RNFT2: variants seen among roughly 807,000 people sequenced by gnomAD.
RNFT2 encodes ring finger protein, transmembrane 2, also known as E3 ubiquitin-protein ligase RNFT2.
A neutral mutation model predicts 53.0 loss-of-function variants in RNFT2; 36 were observed. That is an observed-to-expected ratio of 0.68 (90% CI 0.52 to 0.90). The LOEUF is 0.90. Ranked by LOEUF, RNFT2 falls within the 40% of genes least tolerant of loss-of-function variation. The pLI, the probability that RNFT2 is intolerant of heterozygous loss-of-function variation, is 0.00. For synonymous variants in RNFT2, 260 were observed against 253.2 expected (o/e 1.03, Z -0.26); for missense variants, 514 against 585.6 (o/e 0.88, Z 1.26).
chr12:116,851,752 AAAG>A lies in RNFT2; in HGVS notation c.*2307_*2309del, dbSNP rs764046283. 24 of 748,418 alleles carry A rather than the reference AAAG, an allele frequency of 3.2e-5. No homozygotes were observed. Among genetic ancestry groups the A allele is most frequent in the Middle Eastern group, 2.3e-4 (1 of 4,378 alleles). 46.4% of individuals were successfully genotyped at this position (748,418 alleles called of 1,614,324 possible). On this transcript the variant is annotated 3_prime_UTR_variant, in exon 11 of 11. Transcript: ENST00000257575. ...TGAGTGAGACTCTGTCTAAAAAAAA[AAAG>A]AAAGAAAGAAGGGAGGGAGGGAGGA...
At chr12:116,740,844 T>C in intron 2 of RNFT2, 192 bp from the exon 3 acceptor site, 1 of 638,876 alleles carries the variant, frequency 1.6e-6, no homozygotes. Context: ...GGTGATAGCT[T>C]TCCTCATGGG....
intron 10 of RNFT2, among the ~76,000 whole-genome samples, chr12:116,844,100 A>G (rs1034676328): frequency 5.9e-5 from 9 of 152,254 alleles, no homozygotes; most frequent in Non-Finnish European, 1.0e-4. Context: ...CTAAGACATT[A>G]TTGGCCTTTT....
chr12:116,846,190 A>G (rs1356590830), intron 10 of RNFT2, among the ~76,000 whole-genome samples: 1 of 152,214 alleles, frequency 6.6e-6, no homozygotes, highest in Admixed American at 6.5e-5. Context: ...ACATAAGATA[A>G]TAATCATTAT....
intron 5 of RNFT2, among the ~76,000 whole-genome samples, chr12:116,763,509 C>T (rs970823546): frequency 2.0e-5 from 3 of 151,986 alleles, no homozygotes; most frequent in Non-Finnish European, 4.4e-5. Flanking sequence ...TGGCTCACGC[C>T]TGTAATCCCA....
Position 116,852,445 on chromosome 12 carries a change from A to G in RNFT2, c.*2997A>G, listed in dbSNP as rs376913056. ...CAAGACGTCTGTTCCAGGGCAGTGT[A>G]GCATCTTTCAAGCTCCGTTACTATG... On this transcript the variant is annotated 3_prime_UTR_variant, in exon 11 of 11. Coordinates refer to ENST00000257575, the MANE Select transcript of RNFT2 (RefSeq NM_001382266.1). 1 of 1,415,348 alleles carries G rather than the reference A, an allele frequency of 7.1e-7. No individual in the cohort carries two copies. Among genetic ancestry groups the G allele is most frequent in the Non-Finnish European group, 9.2e-7 (1 of 1,083,952 alleles). The allele number at this position is 1,415,348 out of a possible 1,614,324, so 87.7% of individuals were successfully genotyped here.
chr12:116,834,821 AC>A (rs1279341415), intron 8 of RNFT2, among the ~76,000 whole-genome samples: 4 of 148,992 alleles, frequency 2.7e-5, no homozygotes, highest in East Asian at 2.0e-4. Flanking sequence ...ATCTTCACAA[AC>A]CCTTCAAGGT....
rs2137233141 is a variant in RNFT2 at position 116,851,551 on chromosome 12, C to A, written c.*2103C>A. ...GTCAAGAGTTCAAGACTAGCCTGGC[C>A]AACATGGCAAAACCCCCTCTTTACT... On this transcript the variant is annotated 3_prime_UTR_variant, in exon 11 of 11. Transcript: ENST00000257575. The A allele has an allele frequency of 1.8e-6, 1 of 564,818 alleles. No individual in the cohort carries two copies. Among genetic ancestry groups the A allele is most frequent in the Middle Eastern group, 4.7e-4 (1 of 2,112 alleles). The allele number at this position is 564,818 out of a possible 1,614,324, so 35.0% of individuals were successfully genotyped here.
chr12:116,777,090 G>C (rs7969509), intron 6 of RNFT2, among the ~76,000 whole-genome samples: 25 of 151,692 alleles, frequency 1.6e-4, no homozygotes, highest in African/African-American at 5.8e-4. Context: ...GCTAATTTTT[G>C]TATTTTTAGT....
At chr12:116,802,985 C>T (rs1003569321) in intron 7 of RNFT2, among the ~76,000 whole-genome samples, 3 of 151,980 alleles carry the variant, frequency 2.0e-5, no homozygotes, top group African/African-American at 7.3e-5. Context: ...GACCCAGCTA[C>T]TCAGGAGGCT....
At chr12:116,790,143 A>G (rs1874168432) in intron 7 of RNFT2, among the ~76,000 whole-genome samples, 1 of 152,208 alleles carries the variant, frequency 6.6e-6, no homozygotes, top group Non-Finnish European at 1.5e-5. Flanking sequence ...GCAAAGTAGC[A>G]CTCACTTCTC....
At chr12:116,766,232 T>C (rs990204467) in intron 5 of RNFT2, among the ~76,000 whole-genome samples, 4 of 152,054 alleles carry the variant, frequency 2.6e-5, no homozygotes, top group African/African-American at 7.2e-5. Context: ...CAGTGAGCTA[T>C]GATCACACTA....
At chr12:116,778,134 CT>C (rs1873518588) in intron 6 of RNFT2, among the ~76,000 whole-genome samples, 1 of 151,422 alleles carries the variant, frequency 6.6e-6, no homozygotes, top group African/African-American at 2.5e-5. Flanking sequence ...TTCTTCCCTC[CT>C]TTCTTCCTTC....
intron 7 of RNFT2, among the ~76,000 whole-genome samples, chr12:116,811,078 C>T (rs565788212): frequency 6.6e-6 from 1 of 152,236 alleles, no homozygotes; most frequent in East Asian, 1.9e-4. Context: ...TTCTCCATGC[C>T]TCAGTTTCCT....
chr12:116,762,897 C>A (rs1872743614), intron 5 of RNFT2, among the ~76,000 whole-genome samples: 1 of 152,128 alleles, frequency 6.6e-6, no homozygotes, highest in Admixed American at 6.5e-5. Context: ...CAGGCGTGAG[C>A]CACCATACCT....
chr12:116,832,152 T>A (rs1407526743), intron 7 of RNFT2, among the ~76,000 whole-genome samples: 86 of 132,508 alleles, frequency 6.5e-4, no homozygotes, highest in South Asian at 2.4e-3. Context: ...AAAAAAAATA[T>A]ATATATATAT....
At chr12:116,842,335 A>G (rs1279833374) in intron 10 of RNFT2, among the ~76,000 whole-genome samples, 2 of 152,036 alleles carry the variant, frequency 1.3e-5, no homozygotes, top group Non-Finnish European at 1.5e-5. Context: ...GCATGAGGCT[A>G]TGAACACCAG....
chr12:116,750,908 ATTT>A (rs386377851), intron 4 of RNFT2, among the ~76,000 whole-genome samples: 900 of 69,992 alleles, frequency 0.013, 21 homozygotes, highest in Middle Eastern at 0.036. Context: ...ATATATATAT[ATTT>A]TTTTTTGAGA....
chr12:116,788,597 T>G (rs1047002024), intron 7 of RNFT2, among the ~76,000 whole-genome samples: 9 of 152,144 alleles, frequency 5.9e-5, no homozygotes, highest in African/African-American at 9.7e-5. Flanking sequence ...TGTTTAAATG[T>G]CTGCCTTCTC....
intron 7 of RNFT2, among the ~76,000 whole-genome samples, chr12:116,823,268 A>C (rs890458369): frequency 1.6e-4 from 25 of 152,218 alleles, no homozygotes; most frequent in African/African-American, 6.0e-4. Context: ...ATCACACAGA[A>C]CACTGAGGCC....
Sources: gnomAD v4.1 joint callset for allele counts (sites outside exome capture counted in the v4.1 genomes callset) on GRCh38, gnomAD v4.1.1 for gene constraint, MANE v1.5 for transcripts, NCBI Gene and HGNC (gene_info 2026-07-23, HGNC 2026-07-21) for gene names.